The following BMP7 variants were observed in gnomAD, a reference collection of about 807,000 sequenced individuals.
The protein encoded by BMP7 is bone morphogenetic protein 7, also known as osteogenic protein 1.
In BMP7, 12 loss-of-function variants were observed where a neutral mutation model predicts 41.2. That is an observed-to-expected ratio of 0.29 (90% CI 0.19 to 0.47). BMP7 has a LOEUF of 0.47. Among genes scored for constraint, BMP7 ranks in the 20% least tolerant of loss-of-function variants. The probability of loss-of-function intolerance (pLI) is 0.99; values close to 1 mark genes in which losing one functional copy is unlikely to be tolerated. For synonymous variants in BMP7, 248 were observed against 250.0 expected, an observed-to-expected ratio of 0.99 and a Z score of 0.07; for missense variants, 467 against 606.0, an observed-to-expected ratio of 0.77 and a Z score of 2.41.
At chr20:57,226,999 C>A (rs6099504) in intron 2 of BMP7, among the ~76,000 whole-genome samples, 4,925 of 151,874 alleles carry the variant, frequency 0.032, 226 homozygotes, top group African/African-American at 0.11. Flanking sequence ...GCTAATTTTT[C>A]TATTTTTAGT....
Position 57,266,141 on chromosome 20 carries a change from TA to T in BMP7, c.-20del. 1 of 1,516,516 alleles carries T rather than the reference TA, an allele frequency of 6.6e-7. No homozygotes were observed. The highest frequency in any genetic ancestry group is 2.1e-4 in the Middle Eastern group (1 of 4,860). The allele number at this position is 1,516,516 out of a possible 1,614,324, so 93.9% of individuals were successfully genotyped here. On this transcript the variant is annotated 5_prime_UTR_variant, in exon 1 of 7. Coordinates refer to ENST00000395863, the MANE Select transcript of BMP7 (RefSeq NM_001719.3). ...CGTGCATCGCGCCGGCTCTACGCGC[TA>T]CCCGGGCTCCGGGCTCCGGGCCCGC... is the stretch of plus-strand genomic sequence containing the variant.
chr20:57,216,209 G>GT (rs1276990151), intron 2 of BMP7, among the ~76,000 whole-genome samples: 2 of 152,306 alleles, frequency 1.3e-5, no homozygotes, highest in Non-Finnish European at 2.9e-5. Context: ...CCCAGAAGCT[G>GT]TGCCGGTGCC....
chr20:57,210,386 C>G (rs1336091202), intron 2 of BMP7, among the ~76,000 whole-genome samples: 1 of 152,176 alleles, frequency 6.6e-6, no homozygotes, highest in African/African-American at 2.4e-5. Flanking sequence ...AAAGTTCTAC[C>G]ACAATGGAAA....
At chr20:57,195,133 C>A (rs1984462583) in intron 3 of BMP7, among the ~76,000 whole-genome samples, 2 of 152,128 alleles carry the variant, frequency 1.3e-5, no homozygotes, top group Non-Finnish European at 2.9e-5. Flanking sequence ...ATGGCCAGCC[C>A]GAGGAACCCA....
rs913044682 is a variant in BMP7 at position 57,266,143 on chromosome 20, C to CCCGGGCT, written c.-28_-22dup. 197 of 1,514,574 alleles carry CCCGGGCT rather than the reference C, an allele frequency of 1.3e-4. No homozygotes were observed. The highest frequency in any genetic ancestry group is 2.0e-4 in the Admixed American group (10 of 49,120). 93.8% of individuals were successfully genotyped at this position (1,514,574 alleles called of 1,614,324 possible). A position where few individuals can be genotyped will look rare whatever the true frequency, so the allele number is the denominator to read the frequency against. ...TGCATCGCGCCGGCTCTACGCGCTA[C>CCCGGGCT]CCGGGCTCCGGGCTCCGGGCCCGCA... On this transcript the variant is annotated 5_prime_UTR_variant, in exon 1 of 7. Coordinates refer to ENST00000395863, the MANE Select transcript of BMP7 (RefSeq NM_001719.3).
At chr20:57,208,371 T>C (rs185437481) in intron 2 of BMP7, among the ~76,000 whole-genome samples, 19 of 152,182 alleles carry the variant, frequency 1.2e-4, no homozygotes, top group Non-Finnish European at 2.2e-4. Context: ...GAAACGCAAA[T>C]TGAAACCACA....
chr20:57,254,097 A>ACTGCAAACT (rs2066124822), intron 1 of BMP7, among the ~76,000 whole-genome samples: 1 of 125,336 alleles, frequency 8.0e-6, no homozygotes, highest in Admixed American at 1.1e-4. Context: ...ATCTCGGCTT[A>ACTGCAAACT]CTGCAACCTC....
chr20:57,252,741 G>C (rs1428738183), intron 1 of BMP7, among the ~76,000 whole-genome samples: 1 of 152,190 alleles, frequency 6.6e-6, no homozygotes, highest in African/African-American at 2.4e-5. Flanking sequence ...CGTCCATCTA[G>C]AAATGCTGTT....
At chr20:57,187,890 T>G (rs1224354732) in intron 3 of BMP7, among the ~76,000 whole-genome samples, 4 of 152,134 alleles carry the variant, frequency 2.6e-5, no homozygotes, top group Admixed American at 2.6e-4. Flanking sequence ...GTGGAACAGG[T>G]GCTCTGAGGA....
intron 2 of BMP7, among the ~76,000 whole-genome samples, chr20:57,206,542 C>A (rs1600622919): frequency 6.6e-6 from 1 of 152,178 alleles, no homozygotes; most frequent in African/African-American, 2.4e-5. Flanking sequence ...GATGTCAAAT[C>A]CTGTATGATA....
At position 57,221,932 on chromosome 20, in the gene BMP7, G is replaced by A. The variant is rs540323736; in HGVS notation, c.611+6297C>T. Among the ~76,000 whole-genome samples the A allele has an allele frequency of 2.4e-4, 36 of 152,170 alleles. 1 individual carries two copies. The highest frequency in any genetic ancestry group is 8.7e-4 in the African/African-American group (36 of 41,534). On this transcript the variant is annotated intron_variant, in intron 2 of 6. Coordinates refer to ENST00000395863, the MANE Select transcript of BMP7 (RefSeq NM_001719.3). ...GCAATTAGCTTTTGTCATCATGACT[G>A]TTCCCAAAGGCAGCCATCCCTTCTC...
chr20:57,239,571 C>T (rs986406558), intron 1 of BMP7, among the ~76,000 whole-genome samples: 1 of 152,252 alleles, frequency 6.6e-6, no homozygotes, highest in East Asian at 1.9e-4. Flanking sequence ...CTGCACCCCA[C>T]TAGGGACTCT....
intron 2 of BMP7, among the ~76,000 whole-genome samples, chr20:57,208,076 G>T (rs555368263): frequency 6.6e-6 from 1 of 151,878 alleles, no homozygotes; most frequent in Non-Finnish European, 1.5e-5. Context: ...TGATCCACCC[G>T]CCTCGGCCTC....
At chr20:57,173,083 C>CATGACA (rs778058644) in intron 6 of BMP7, 117 bp downstream of exon 6, 2 of 1,124,658 alleles carry the variant, frequency 1.8e-6, no homozygotes, top group African/African-American at 1.5e-5. Flanking sequence ...CCCCAAAAGT[C>CATGACA]ATGACATGGC....
chr20:57,210,221 C>G (rs551240260), intron 2 of BMP7, among the ~76,000 whole-genome samples: 35 of 152,342 alleles, frequency 2.3e-4, no homozygotes, highest in African/African-American at 7.7e-4. Flanking sequence ...TAATATTTAA[C>G]CACCAGCCTG....
chr20:57,224,331 T>C lies in BMP7; in HGVS notation c.611+3898A>G, dbSNP rs144325716. 1.9e-3 allele frequency among the ~76,000 whole-genome samples: 292 copies of C among 152,294 alleles called. 1 individual carries two copies. The East Asian group carries it at 0.025, about 13-fold the overall frequency. Reference sequence around the variant, plus strand: ...GCTGCCAACATCATCTCGACCTTGGTGGCGGCCGACTCCCTTGGAGCAGAT... The same window carrying C: ...GCTGCCAACATCATCTCGACCTTGGCGGCGGCCGACTCCCTTGGAGCAGAT... On this transcript the variant is annotated intron_variant, in intron 2 of 6. Coordinates refer to ENST00000395863, the MANE Select transcript of BMP7 (RefSeq NM_001719.3). The surrounding 1 kb of genome is among the most constrained non-coding windows in gnomAD (Gnocchi z 4.8).
chr20:57,260,058 C>G (rs1568732716), intron 1 of BMP7, among the ~76,000 whole-genome samples: 1 of 152,092 alleles, frequency 6.6e-6, no homozygotes, highest in Non-Finnish European at 1.5e-5. Flanking sequence ...AACAAACGCC[C>G]TTCCTCTATA....
intron 3 of BMP7, among the ~76,000 whole-genome samples, chr20:57,190,828 C>T (rs1377620846): frequency 4.6e-5 from 7 of 152,162 alleles, no homozygotes; most frequent in Admixed American, 3.3e-4. Context: ...CCAGCTTTAA[C>T]GCTGGCTCCA....
intron 4 of BMP7, among the ~76,000 whole-genome samples, chr20:57,175,422 G>A (rs1426473152): frequency 8.5e-5 from 13 of 152,264 alleles, no homozygotes; most frequent in South Asian, 2.1e-4. Context: ...ACCTCAACTC[G>A]TGAGGCCCCA....
Sources: allele counts gnomAD v4.1 joint callset (sites outside exome capture counted in the v4.1 genomes callset), GRCh38; gene constraint gnomAD v4.1.1; non-coding constraint Gnocchi (gnomAD v3.1); transcripts MANE v1.5; gene names NCBI Gene and HGNC (gene_info 2026-07-23, HGNC 2026-07-21).